SEMA5A: variants seen among roughly 807,000 people sequenced by gnomAD.
SEMA5A encodes the protein semaphorin-5A.
A neutral mutation model predicts 135.5 loss-of-function variants in SEMA5A; 55 were observed. The ratio of observed to expected loss-of-function variants is 0.41; its 90% CI spans 0.33 to 0.51. The LOEUF is 0.51. Ranked by LOEUF, SEMA5A falls within the 20% of genes least tolerant of loss-of-function variation. The pLI, the probability that SEMA5A is intolerant of heterozygous loss-of-function variation, is 0.37. For synonymous variants in SEMA5A, 580 were observed against 546.5 expected, an observed-to-expected ratio of 1.06 and a Z score of -0.85; for missense variants, 1,290 against 1,419.9, an observed-to-expected ratio of 0.91 and a Z score of 1.47.
intron 3 of SEMA5A, among the ~76,000 whole-genome samples, chr5:9,340,739 T>A (rs2150727321): frequency 6.6e-6 from 1 of 152,338 alleles, no homozygotes; most frequent in South Asian, 2.1e-4. Context: ...GTAATCTGCA[T>A]ATTCCCTTCT....
chr5:9,207,128 A>ATATATATATATG, intron 8 of SEMA5A, among the ~76,000 whole-genome samples: 1 of 134,354 alleles, frequency 7.4e-6, no homozygotes, highest in Non-Finnish European at 1.6e-5. Context: ...ATATATATAT[A>ATATATATATATG]TATATAAAGC....
Position 9,044,550 on chromosome 5 carries a change from C to G in SEMA5A, c.2928G>C (p.Leu976=), listed in dbSNP as rs386352358. 1 of 1,613,994 alleles carries G rather than the reference C, an allele frequency of 6.2e-7. No individual in the cohort carries two copies. The highest frequency in any genetic ancestry group is 2.2e-5 in the East Asian group (1 of 44,874). Residue 976 remains leucine (L), a synonymous_variant, in exon 22 of 23, where the codon CTG becomes CTC. Transcript: ENST00000382496. ...GGAGGCAGCCGAGGATGGAGCTGCT[C>G]AGCCCCACGGCGATCATGTGGAACA... The part of the protein sequence containing the change: ...FNMFHMIAVG[L]SSSILGCLLT...
intron 2 of SEMA5A, among the ~76,000 whole-genome samples, chr5:9,389,783 T>C (rs747240152): frequency 7.4e-4 from 112 of 152,216 alleles, no homozygotes; most frequent in Non-Finnish European, 1.3e-4. Context: ...TGGAGCCTTC[T>C]ATGAATTTTT....
intron 2 of SEMA5A, among the ~76,000 whole-genome samples, chr5:9,400,500 CA>C (rs767772160): frequency 1.2e-5 from 1 of 85,414 alleles, no homozygotes; most frequent in African/African-American, 4.8e-5. Flanking sequence ...ACACAATGTA[CA>C]TTTTTTTTTT....
intron 16 of SEMA5A, among the ~76,000 whole-genome samples, chr5:9,094,061 C>T (rs1364847703): frequency 6.6e-6 from 1 of 152,172 alleles, no homozygotes; most frequent in Non-Finnish European, 1.5e-5. Flanking sequence ...TTTATTACTT[C>T]GTTATTATTT....
intron 2 of SEMA5A, among the ~76,000 whole-genome samples, chr5:9,400,398 C>T (rs1450534998): frequency 6.6e-6 from 1 of 151,086 alleles, no homozygotes. Flanking sequence ...TTATCATTTT[C>T]AATTCAGAAT....
intron 16 of SEMA5A, among the ~76,000 whole-genome samples, chr5:9,096,273 G>A (rs527904162): frequency 1.4e-4 from 21 of 152,176 alleles, no homozygotes; most frequent in African/African-American, 4.1e-4. Context: ...AATGTTATAC[G>A]TTAGGTCTTT....
chr5:9,269,288 T>C (rs902677704), intron 5 of SEMA5A, among the ~76,000 whole-genome samples: 5 of 152,124 alleles, frequency 3.3e-5, no homozygotes, highest in African/African-American at 7.2e-5. Flanking sequence ...AGGCAGATAA[T>C]ACAGGATCTC....
chr5:9,146,510 T>C (rs1742343863), intron 12 of SEMA5A, among the ~76,000 whole-genome samples: 1 of 152,226 alleles, frequency 6.6e-6, no homozygotes, highest in Non-Finnish European at 1.5e-5. Flanking sequence ...CTGGTTATGA[T>C]ACAGATATAG....
At chr5:9,366,156 T>C (rs1313239776) in intron 3 of SEMA5A, among the ~76,000 whole-genome samples, 2 of 152,224 alleles carry the variant, frequency 1.3e-5, no homozygotes, top group African/African-American at 4.8e-5. Flanking sequence ...ATGTTAATAT[T>C]TCATCTCTGA....
rs1400538067 is a variant in SEMA5A at position 9,331,517 on chromosome 5, C to A, written c.224+6196G>T. Among the ~76,000 whole-genome samples the A allele has an allele frequency of 2.6e-5, 4 of 152,318 alleles. 1 individual carries two copies. Among genetic ancestry groups the A allele is most frequent in the Admixed American group, 2.6e-4 (4 of 15,288 alleles). Reference sequence around the variant, plus strand: ...AAAAGGAAACTTAAGCTTAACCAATCAGAAACAAAACCCTAACTAAAGTCT... The same window carrying A: ...AAAAGGAAACTTAAGCTTAACCAATAAGAAACAAAACCCTAACTAAAGTCT... On this transcript the variant is annotated intron_variant, in intron 4 of 22. Transcript: ENST00000382496.
At chr5:9,073,897 CA>C (rs551086729) in intron 16 of SEMA5A, among the ~76,000 whole-genome samples, 66 of 152,014 alleles carry the variant, frequency 4.3e-4, no homozygotes, top group Admixed American at 2.2e-3. Flanking sequence ...GATTAAATCT[CA>C]AAAAAATATG....
chr5:9,286,395 T>C (rs1190834600), intron 5 of SEMA5A, among the ~76,000 whole-genome samples: 1 of 152,146 alleles, frequency 6.6e-6, no homozygotes, highest in African/African-American at 2.4e-5. Context: ...CCATTGATTT[T>C]TTCCCCCAGA....
At chr5:9,458,581 A>C (rs977048073) in intron 1 of SEMA5A, among the ~76,000 whole-genome samples, 1 of 152,196 alleles carries the variant, frequency 6.6e-6, no homozygotes, top group Non-Finnish European at 1.5e-5. Flanking sequence ...ATTGCCCAGC[A>C]AGCCACACAA....
intron 1 of SEMA5A, among the ~76,000 whole-genome samples, chr5:9,537,535 T>C (rs1212471608): frequency 6.6e-6 from 1 of 152,238 alleles, no homozygotes; most frequent in Admixed American, 6.5e-5. Context: ...TATTAGTGTA[T>C]CCTCATAAAT....
At chr5:9,075,090 GT>G (rs1554024163) in intron 16 of SEMA5A, among the ~76,000 whole-genome samples, 1 of 152,024 alleles carries the variant, frequency 6.6e-6, no homozygotes, top group Non-Finnish European at 1.5e-5. Context: ...CAATAGAAAT[GT>G]TTTGAAAAAA....
In SEMA5A at chr5:9,487,588, G is replaced by A. The variant is rs142125545; in HGVS notation, c.-174-49736C>T. The stretch of plus-strand genomic sequence containing the variant: ...TTCCATAATAATTCCATATGTGGAG[G>A]AAGAGGATATAGTTCACTCTACTTT... On this transcript the variant is annotated intron_variant, in intron 1 of 22. Transcript: ENST00000382496. Among the ~76,000 whole-genome samples, 540 of 152,314 alleles carry A rather than the reference G, an allele frequency of 3.5e-3. 1 individual carries two copies. Among genetic ancestry groups the A allele is most frequent in the Non-Finnish European group, 6.0e-3 (405 of 68,028 alleles).
chr5:9,333,119 A>C (rs1447227568), intron 4 of SEMA5A, among the ~76,000 whole-genome samples: 1 of 152,238 alleles, frequency 6.6e-6, no homozygotes, highest in East Asian at 1.9e-4. Flanking sequence ...CACATTTAAA[A>C]ACCTGAAGAA....
chr5:9,173,649 T>C (rs1044497002), intron 11 of SEMA5A, among the ~76,000 whole-genome samples: 3 of 152,152 alleles, frequency 2.0e-5, no homozygotes, highest in Non-Finnish European at 2.9e-5. Flanking sequence ...CACCTCCAGA[T>C]ACCCTCACAT....
Sources: gnomAD v4.1 joint callset for allele counts (sites outside exome capture counted in the v4.1 genomes callset) on GRCh38, gnomAD v4.1.1 for gene constraint, MANE v1.5 for transcripts, NCBI Gene and HGNC (gene_info 2026-07-23, HGNC 2026-07-21) for gene names.